Variants in TIAL1 observed in about 807,000 individuals in gnomAD.
TIAL1 encodes the protein nucleolysin TIAR.
A neutral mutation model predicts 59.7 loss-of-function variants in TIAL1; 7 were observed. That is an observed-to-expected ratio of 0.12 (90% CI 0.07 to 0.22). The LOEUF (loss-of-function observed/expected upper bound fraction) is 0.22, where lower values mean the gene tolerates loss of function less well. Ranked by LOEUF, TIAL1 falls within the 10% of genes least tolerant of loss-of-function variation. The pLI is 1.00. For synonymous variants in TIAL1, 149 were observed against 146.3 expected (o/e 1.02, Z -0.13); for missense variants, 225 against 462.5 (o/e 0.49, Z 4.71).
chr10:119,575,843 ATATG>A, intron 11 of TIAL1, 52 bp from the exon 12 acceptor site: 1 of 1,496,014 alleles, frequency 6.7e-7, no homozygotes, highest in Non-Finnish European at 8.9e-7. Context: ...AAAAAATCAC[ATATG>A]TATTTACACA....
In TIAL1 at chr10:119,577,437, A is replaced by T. The variant is rs1845058332; in HGVS notation, c.737+14T>A. 6.3e-7 allele frequency: 1 copy of T among 1,597,450 alleles called. No homozygotes were observed. The highest frequency in any genetic ancestry group is 1.1e-5 in the South Asian group (1 of 90,216). ...AATATAAGAGTAATAATGATATTTC[A>T]AGTAGAGTGTTACCTGACAAATGAA... On this transcript the variant is annotated intron_variant, in intron 9 of 11. Coordinates refer to ENST00000436547, the MANE Select transcript of TIAL1 (RefSeq NM_003252.4).
Position 119,588,188 on chromosome 10 carries a change from C to A in TIAL1, c.93G>T (p.Gln31His). The change falls in exon 2 of 12, where the codon CAG becomes CAT. Residue 31 changes from glutamine (Q) to histidine (H), a missense_variant. By Grantham distance (24) the Gln-to-His change is conservative. Around this residue, in one of 4 missense-constraint regions of TIAL1, gnomAD observed 39 missense variants for 59.5 expected, o/e 0.66. Coordinates refer to ENST00000436547, the MANE Select transcript of TIAL1 (RefSeq NM_003252.4). ...TTTTACAGCTTTTACAGGGTCCAATCTGACTGAACAACTGAAGTATAAGGA... is the reference window on the plus strand; with the variant it reads ...TTTTACAGCTTTTACAGGGTCCAATATGACTGAACAACTGAAGTATAAGGA... ...TEVLILQLFS[Q>H]IGPCKSCKMI... is the part of the protein sequence containing the mutation. 6.2e-7 allele frequency: 1 copy of A among 1,600,348 alleles called. No homozygotes were observed. Among genetic ancestry groups the A allele is most frequent in the Non-Finnish European group, 8.5e-7 (1 of 1,171,908 alleles).
chr10:119,590,095 T>C (rs1365565240), intron 1 of TIAL1, among the ~76,000 whole-genome samples: 1 of 152,222 alleles, frequency 6.6e-6, no homozygotes, highest in Non-Finnish European at 1.5e-5. Flanking sequence ...GTAGCGATTT[T>C]CCAGTTAAGA....
At position 119,575,023 on chromosome 10, in the gene TIAL1, C is replaced by G. The variant is rs1564730162; in HGVS notation, c.*642G>C. The G allele has an allele frequency of 1.3e-5, 2 of 152,620 alleles. No individual in the cohort carries two copies. Among genetic ancestry groups the G allele is most frequent in the East Asian group, 1.9e-4 (1 of 5,196 alleles). 9.5% of individuals were successfully genotyped at this position (152,620 alleles called of 1,614,324 possible). On this transcript the variant is annotated 3_prime_UTR_variant, in exon 12 of 12. Transcript: ENST00000436547. ...ACTTTTGGAAGTTTTAAAAATATGT[C>G]TTAACGTGGACCACCAACATTTGCT...
At position 119,578,940 on chromosome 10, in the gene TIAL1, T is replaced by A. The variant is rs1010786341; in HGVS notation, c.448-106A>T. On this transcript the variant is annotated intron_variant, in intron 6 of 11. Coordinates refer to ENST00000436547, the MANE Select transcript of TIAL1 (RefSeq NM_003252.4). ...TGCTGGTTCCATACAAATCAGTAGA[T>A]GAATTTACTAAATATCCTAAACAAA... is the stretch of plus-strand genomic sequence containing the variant. 2.6e-5 allele frequency: 21 copies of A among 803,744 alleles called. No individual in the cohort carries two copies. The African/African-American group carries it at 3.7e-4, about 14-fold the overall frequency. 49.8% of individuals were successfully genotyped at this position (803,744 alleles called of 1,614,324 possible).
At chr10:119,576,808 A>T in intron 10 of TIAL1, 58 bp from the exon 11 acceptor site, 1 of 1,593,256 alleles carries the variant, frequency 6.3e-7, no homozygotes, top group Non-Finnish European at 8.5e-7. Flanking sequence ...TATATGAAGA[A>T]AGAGTGGGAG....
chr10:119,596,546 G>C lies in TIAL1; in HGVS notation c.-81C>G, dbSNP rs1443164586. 1.2e-6 allele frequency: 1 copy of C among 854,902 alleles called. No individual in the cohort carries two copies. Among genetic ancestry groups the C allele is most frequent in the Non-Finnish European group, 1.8e-6 (1 of 551,300 alleles). 53.0% of individuals were successfully genotyped at this position (854,902 alleles called of 1,614,324 possible). ...AGGGGGTGGGGAGGAAGGGGAGGGG[G>C]GCTCTGGGCACCGGCTGGGGACAGA... On this transcript the variant is annotated 5_prime_UTR_variant, in exon 1 of 12. Transcript: ENST00000436547.
chr10:119,589,963 G>T (rs769113913), intron 1 of TIAL1, among the ~76,000 whole-genome samples: 1 of 152,052 alleles, frequency 6.6e-6, no homozygotes, highest in Non-Finnish European at 1.5e-5. Flanking sequence ...ACCAAAATAA[G>T]ACTTGCAACA....
In TIAL1 at chr10:119,582,108, G is replaced by A; in HGVS notation, c.283+61C>T. On this transcript the variant is annotated intron_variant, in intron 4 of 11. Transcript: ENST00000436547. The surrounding 1 kb of genome is among the most constrained non-coding windows in gnomAD (Gnocchi z 5.1). ...GAGGAAAAAAAAACCTATTTAAGCTGGTAATGCCTCCTGGATAATTTCAGA... is the reference window on the plus strand; with the variant it reads ...GAGGAAAAAAAAACCTATTTAAGCTAGTAATGCCTCCTGGATAATTTCAGA... The A allele has an allele frequency of 6.3e-7, 1 of 1,593,886 alleles. No individual in the cohort carries two copies. The highest frequency in any genetic ancestry group is 8.6e-7 in the Non-Finnish European group (1 of 1,168,754).
Position 119,596,649 on chromosome 10 carries a change from A to T in TIAL1, c.-184T>A. On this transcript the variant is annotated 5_prime_UTR_variant, in exon 1 of 12. Coordinates refer to ENST00000436547, the MANE Select transcript of TIAL1 (RefSeq NM_003252.4). ...ACACTGCGCTCCAACCAGGAGGAGC[A>T]GGAGGAGGAGGAGGATGAACAAAAT... 1 of 543,420 alleles carries T rather than the reference A, an allele frequency of 1.8e-6. No individual in the cohort carries two copies. The highest frequency in any genetic ancestry group is 3.3e-5 in the Admixed American group (1 of 30,706). The allele number at this position is 543,420 out of a possible 1,614,324, so 33.7% of individuals were successfully genotyped here. A position where few individuals can be genotyped will look rare whatever the true frequency, so the allele number is the denominator to read the frequency against.
At chr10:119,595,625 GAC>G (rs1846131697) in intron 1 of TIAL1, among the ~76,000 whole-genome samples, 1 of 152,170 alleles carries the variant, frequency 6.6e-6, no homozygotes, top group Non-Finnish European at 1.5e-5. Context: ...GCGTTCAGAA[GAC>G]ACACATCAAA....
At position 119,588,609 on chromosome 10, in the gene TIAL1, G is replaced by A. The variant is rs1270072786; in HGVS notation, c.33-361C>T. Among the ~76,000 whole-genome samples the A allele has an allele frequency of 2.0e-5, 3 of 152,272 alleles. No homozygotes were observed. The East Asian group carries it at 5.8e-4, about 29-fold the overall frequency. On this transcript the variant is annotated intron_variant, in intron 1 of 11. Coordinates refer to ENST00000436547, the MANE Select transcript of TIAL1 (RefSeq NM_003252.4). ...TCTGTCCGCCTTGGCCTCCCAAAGT[G>A]CTGGAATTACAAGCGTGAGCCACTG...
At chr10:119,585,269 G>A (rs1482783435) in intron 2 of TIAL1, among the ~76,000 whole-genome samples, 1 of 151,828 alleles carries the variant, frequency 6.6e-6, no homozygotes, top group Admixed American at 6.6e-5. Flanking sequence ...GGGACCATTG[G>A]TAACATGGTG....
At chr10:119,595,437 TAAA>T (rs3064561) in intron 1 of TIAL1, among the ~76,000 whole-genome samples, 22 of 139,846 alleles carry the variant, frequency 1.6e-4, no homozygotes, top group East Asian at 1.4e-3. Context: ...TATTCAGACT[TAAA>T]AAAAAAAAAA....
At chr10:119,586,167 A>G (rs547651410) in intron 2 of TIAL1, among the ~76,000 whole-genome samples, 1 of 152,264 alleles carries the variant, frequency 6.6e-6, no homozygotes, top group African/African-American at 2.4e-5. Context: ...TGTCTAATTC[A>G]TGTCTTAAAT....
intron 1 of TIAL1, 111 bp from the exon 2 acceptor site, chr10:119,588,359 T>C: frequency 3.4e-6 from 2 of 596,124 alleles, no homozygotes; most frequent in Non-Finnish European, 5.3e-6. Flanking sequence ...TTCTTTTTTT[T>C]TTAGATGGAG....
chr10:119,581,791 T>C, intron 5 of TIAL1, 131 bp downstream of exon 5: 2 of 735,132 alleles, frequency 2.7e-6, no homozygotes, highest in Non-Finnish European at 4.3e-6. Flanking sequence ...CAAACCAAAA[T>C]AAATAAATGA....
intron 1 of TIAL1, among the ~76,000 whole-genome samples, chr10:119,589,312 T>C (rs1845732629): frequency 6.6e-6 from 1 of 152,178 alleles, no homozygotes; most frequent in Non-Finnish European, 1.5e-5. Context: ...TTCAAGCGAT[T>C]CTCCTGCCTC....
intron 1 of TIAL1, among the ~76,000 whole-genome samples, chr10:119,591,169 C>T (rs1324658292): frequency 1.3e-5 from 2 of 151,946 alleles, no homozygotes; most frequent in Non-Finnish European, 2.9e-5. Flanking sequence ...TCTGGGAAGC[C>T]GAGGCAGGTG....
Sources: allele counts gnomAD v4.1 joint callset (sites outside exome capture counted in the v4.1 genomes callset), GRCh38; gene constraint gnomAD v4.1.1; regional missense constraint gnomAD v4.1.1; non-coding constraint Gnocchi (gnomAD v3.1); transcripts MANE v1.5; gene names NCBI Gene and HGNC (gene_info 2026-07-23, HGNC 2026-07-21).